Variants in CDK5RAP2 observed in about 807,000 individuals in gnomAD.
CDK5RAP2 encodes the protein CDK5 regulatory subunit-associated protein 2.
Under a neutral mutation model 232.9 loss-of-function variants are expected in CDK5RAP2, and 147 were observed. The observed-to-expected ratio is 0.63, with a 90% CI of 0.55 to 0.72. CDK5RAP2 has a LOEUF of 0.72. Ranked by LOEUF, CDK5RAP2 falls within the 30% of genes least tolerant of loss-of-function variation. The probability of loss-of-function intolerance (pLI) is 0.00; values close to 1 mark genes in which losing one functional copy is unlikely to be tolerated. For missense variants in CDK5RAP2, 2,195 were observed against 2,231.5 expected, an observed-to-expected ratio of 0.98 and a Z score of 0.33; for synonymous variants, 833 against 833.7, an observed-to-expected ratio of 1.00 and a Z score of 0.01.
chr9:120,578,367 G>A (rs2043113440), intron 1 of CDK5RAP2, among the ~76,000 whole-genome samples: 1 of 152,142 alleles, frequency 6.6e-6, no homozygotes, highest in Non-Finnish European at 1.5e-5. Context: ...CCAATATATT[G>A]GGGCAGTGGA....
intron 3 of CDK5RAP2, among the ~76,000 whole-genome samples, chr9:120,554,728 G>A (rs1178656993): frequency 6.6e-6 from 1 of 152,092 alleles, no homozygotes; most frequent in African/African-American, 2.4e-5. Context: ...CCACCTCCCG[G>A]GTTCAAGCCA....
At chr9:120,553,421 A>G (rs2042116212) in intron 3 of CDK5RAP2, among the ~76,000 whole-genome samples, 1 of 152,174 alleles carries the variant, frequency 6.6e-6, no homozygotes, top group Non-Finnish European at 1.5e-5. Flanking sequence ...CCAAAATCCT[A>G]CCAACATCCC....
At chr9:120,555,999 A>G (rs1043472197) in intron 3 of CDK5RAP2, among the ~76,000 whole-genome samples, 4 of 152,242 alleles carry the variant, frequency 2.6e-5, no homozygotes, top group African/African-American at 9.6e-5. Context: ...ACAAGGACAG[A>G]GAACAGGGCA....
Position 120,525,084 on chromosome 9 carries a change from G to C in CDK5RAP2, c.1000-6C>G, listed in dbSNP as rs1564338325. 1 of 1,608,346 alleles carries C rather than the reference G, an allele frequency of 6.2e-7. No individual in the cohort carries two copies. Among genetic ancestry groups the C allele is most frequent in the East Asian group, 2.2e-5 (1 of 44,812 alleles). ...TCAGAGTTAAGTTCTTCAACCTGGG[G>C]AAAAATAATGAATACCAGCCAAGTA... On this transcript the variant is annotated splice_region_variant and splice_polypyrimidine_tract_variant and intron_variant, in intron 10 of 37. Coordinates refer to ENST00000349780, the MANE Select transcript of CDK5RAP2 (RefSeq NM_018249.6).
intron 10 of CDK5RAP2, among the ~76,000 whole-genome samples, chr9:120,525,990 C>A (rs2040882902): frequency 6.6e-6 from 1 of 152,196 alleles, no homozygotes; most frequent in South Asian, 2.1e-4. Context: ...TTAGCAACAC[C>A]CCCAGTTTCC....
intron 21 of CDK5RAP2, among the ~76,000 whole-genome samples, 184 bp downstream of exon 21, chr9:120,453,272 G>A (rs1399457240): frequency 1.3e-5 from 2 of 152,134 alleles, no homozygotes; most frequent in Non-Finnish European, 2.9e-5. Flanking sequence ...TGAGGGGAAG[G>A]AGAGGCAGGG....
intron 35 of CDK5RAP2, among the ~76,000 whole-genome samples, chr9:120,399,680 A>C (rs1181278695): frequency 6.6e-6 from 1 of 152,182 alleles, no homozygotes; most frequent in Admixed American, 6.5e-5. Flanking sequence ...GAAGGGAAAG[A>C]CCAATGTGGG....
intron 5 of CDK5RAP2, among the ~76,000 whole-genome samples, chr9:120,542,690 G>A (rs895278118): frequency 6.6e-6 from 1 of 152,180 alleles, no homozygotes; most frequent in African/African-American, 2.4e-5. Flanking sequence ...TTCCTGGCTG[G>A]GAGTCATGGC....
chr9:120,576,635 G>C (rs1271251277), intron 1 of CDK5RAP2, among the ~76,000 whole-genome samples: 1 of 152,158 alleles, frequency 6.6e-6, no homozygotes, highest in Non-Finnish European at 1.5e-5. Context: ...CCACGAGGCA[G>C]AGGTTGCGGT....
chr9:120,410,046 C>T (rs1168467746), intron 29 of CDK5RAP2, among the ~76,000 whole-genome samples: 2 of 152,184 alleles, frequency 1.3e-5, no homozygotes, highest in Non-Finnish European at 2.9e-5. Context: ...TGCACCAGCA[C>T]TACCTGTGCA....
chr9:120,422,667 C>T lies in CDK5RAP2; in HGVS notation c.4004+26G>A, dbSNP rs745830703. ...TCAGACCTAGAAAGTCCTGGGAAGT[C>T]TTCTTAACAAATGTTACACACTCAC... is the stretch of plus-strand genomic sequence containing the variant. On this transcript the variant is annotated intron_variant, in intron 26 of 37. Transcript: ENST00000349780. 7 of 1,591,322 alleles carry T rather than the reference C, an allele frequency of 4.4e-6. No homozygotes were observed. In the Admixed American group the frequency reaches 5.0e-5, roughly 11 times the overall value.
At chr9:120,475,300 C>A (rs560498206) in intron 15 of CDK5RAP2, among the ~76,000 whole-genome samples, 1 of 152,288 alleles carries the variant, frequency 6.6e-6, no homozygotes, top group Admixed American at 6.5e-5. Flanking sequence ...GAACAGGAAG[C>A]CTTTTAAGAA....
At chr9:120,531,825 A>C (rs905527184) in intron 7 of CDK5RAP2, among the ~76,000 whole-genome samples, 3 of 151,778 alleles carry the variant, frequency 2.0e-5, no homozygotes, top group Non-Finnish European at 4.4e-5. Flanking sequence ...GCACTAGGAG[A>C]CAAGGTGCCA....
intron 12 of CDK5RAP2, among the ~76,000 whole-genome samples, chr9:120,518,165 C>G (rs947562654): frequency 2.7e-5 from 3 of 111,182 alleles, no homozygotes; most frequent in Non-Finnish European, 5.4e-5. Context: ...GATAACAACT[C>G]TGTGTGTGTG....
intron 22 of CDK5RAP2, among the ~76,000 whole-genome samples, chr9:120,446,922 T>C (rs2036223595): frequency 6.6e-6 from 1 of 152,168 alleles, no homozygotes; most frequent in Non-Finnish European, 1.5e-5. Flanking sequence ...CTTCATTCTT[T>C]TCCACGGCAT....
intron 21 of CDK5RAP2, 129 bp from the exon 22 acceptor site, chr9:120,448,255 T>C: frequency 2.6e-6 from 2 of 759,724 alleles, no homozygotes; most frequent in Non-Finnish European, 2.3e-6. Flanking sequence ...GTTCCCATAA[T>C]GGCAGCTATG....
chr9:120,453,894 G>T, intron 20 of CDK5RAP2, 21 bp from the exon 21 acceptor site: 1 of 1,613,386 alleles, frequency 6.2e-7, no homozygotes, highest in East Asian at 2.2e-5. Context: ...AAAAGGGAAG[G>T]AAGTGGGAGA....
At chr9:120,574,876 A>C (rs941563045) in intron 1 of CDK5RAP2, among the ~76,000 whole-genome samples, 2 of 151,330 alleles carry the variant, frequency 1.3e-5, no homozygotes, top group Admixed American at 6.6e-5. Context: ...AATAGGCTGG[A>C]AACTCCAAGC....
In CDK5RAP2 at chr9:120,453,510, G is replaced by C. The variant is rs374571274; in HGVS notation, c.2739C>G (p.His913Gln). Residue 913 changes from histidine to glutamine, a missense_variant, in exon 21 of 38, where the codon CAC (histidine) becomes CAG (glutamine). His to Gln is a conservative substitution (Grantham distance 24). Coordinates refer to ENST00000349780, the MANE Select transcript of CDK5RAP2 (RefSeq NM_018249.6). ...GGGCAGCCTGCCACCCAGGCACCCC[G>C]TGCAGGTTCTCTGGCCGATGCTCTG... ...LSAEHRPENL[H>Q]GVPGWQAALL... The C allele has an allele frequency of 6.2e-7, 1 of 1,613,388 alleles. No homozygotes were observed. Among genetic ancestry groups the C allele is most frequent in the East Asian group, 2.2e-5 (1 of 44,882 alleles).
Sources: allele counts gnomAD v4.1 joint callset (sites outside exome capture counted in the v4.1 genomes callset), GRCh38; gene constraint gnomAD v4.1.1; transcripts MANE v1.5; gene names NCBI Gene and HGNC (gene_info 2026-07-23, HGNC 2026-07-21).